Variants in TRDN observed in about 807,000 individuals in gnomAD.
TRDN encodes the protein triadin.
TRDN carries 161 observed loss-of-function variants against 149.7 expected under a neutral mutation model. That is an observed-to-expected ratio of 1.08 (90% CI 0.95 to 1.23). The LOEUF is 1.23. Ranked by LOEUF, TRDN falls within the 50% of genes most tolerant of loss-of-function variation. The pLI, the probability that TRDN is intolerant of heterozygous loss-of-function variation, is 0.00. For synonymous variants in TRDN, 294 were observed against 250.5 expected, an observed-to-expected ratio of 1.17 and a Z score of -1.64; for missense variants, 896 against 823.5, an observed-to-expected ratio of 1.09 and a Z score of -1.08.
chr6:123,472,860 C>G (rs1031721191), intron 9 of TRDN, among the ~76,000 whole-genome samples: 12 of 152,230 alleles, frequency 7.9e-5, no homozygotes, highest in African/African-American at 2.9e-4. Flanking sequence ...GCAGGGTATT[C>G]CAACAGACCT....
At chr6:123,520,051 T>C (rs1275899699) in intron 5 of TRDN, among the ~76,000 whole-genome samples, 1 of 152,112 alleles carries the variant, frequency 6.6e-6, no homozygotes, top group Non-Finnish European at 1.5e-5. Context: ...CATTAAACAA[T>C]AAGGCCAGAT....
At chr6:123,499,719 A>AAAAAATATATATATATATATACATAT in intron 8 of TRDN, among the ~76,000 whole-genome samples, 1 of 47,676 alleles carries the variant, frequency 2.1e-5, no homozygotes, top group Non-Finnish European at 4.5e-5. Context: ...AAAAAAAAAA[A>AAAAAATATATATATATATATACATAT]ATATATATAT....
chr6:123,511,364 T>C (rs1177884171), intron 7 of TRDN, among the ~76,000 whole-genome samples: 1 of 152,124 alleles, frequency 6.6e-6, no homozygotes, highest in South Asian at 2.1e-4. Flanking sequence ...AAATAATAAA[T>C]GTTTGAGGTG....
intron 24 of TRDN, among the ~76,000 whole-genome samples, chr6:123,280,843 T>C (rs557509051): frequency 2.0e-5 from 3 of 152,170 alleles, no homozygotes; most frequent in African/African-American, 4.8e-5. Context: ...CTTTTCTACA[T>C]TGTGAGATAT....
intron 9 of TRDN, among the ~76,000 whole-genome samples, chr6:123,494,060 C>G (rs1363707218): frequency 6.6e-6 from 1 of 152,104 alleles, no homozygotes; most frequent in Non-Finnish European, 1.5e-5. Flanking sequence ...ACTCGCTTTT[C>G]AAGTATTTCT....
intron 1 of TRDN, among the ~76,000 whole-genome samples, chr6:123,583,766 A>G (rs1783261969): frequency 6.6e-6 from 1 of 152,118 alleles, no homozygotes. Context: ...ACTAACAGGT[A>G]TTTTAGTTAT....
At chr6:123,246,375 A>G (rs914365446) in intron 38 of TRDN, among the ~76,000 whole-genome samples, 2 of 152,162 alleles carry the variant, frequency 1.3e-5, no homozygotes, top group Non-Finnish European at 2.9e-5. Flanking sequence ...AATCAAATAG[A>G]CACAATAAAA....
chr6:123,330,537 ACTCT>A (rs1387062280), intron 23 of TRDN, among the ~76,000 whole-genome samples: 1 of 151,976 alleles, frequency 6.6e-6, no homozygotes, highest in Non-Finnish European at 1.5e-5. Context: ...CAATAAACTA[ACTCT>A]CTCATAAAAG....
At chr6:123,550,376 G>A (rs944408934) in intron 2 of TRDN, among the ~76,000 whole-genome samples, 2 of 151,980 alleles carry the variant, frequency 1.3e-5, no homozygotes, top group African/African-American at 4.8e-5. Flanking sequence ...TTTTTGAGGA[G>A]GACAGAGTGA....
At chr6:123,557,980 G>A (rs1781770451) in intron 2 of TRDN, among the ~76,000 whole-genome samples, 1 of 151,936 alleles carries the variant, frequency 6.6e-6, no homozygotes, top group South Asian at 2.1e-4. Context: ...CTTCTGTACT[G>A]CCACTTGACC....
At chr6:123,484,816 T>C (rs1314663830) in intron 9 of TRDN, among the ~76,000 whole-genome samples, 1 of 152,216 alleles carries the variant, frequency 6.6e-6, no homozygotes, top group Non-Finnish European at 1.5e-5. Context: ...CATTTTGTTT[T>C]CTTTTCTGGA....
At chr6:123,491,422 C>T (rs1415563589) in intron 9 of TRDN, among the ~76,000 whole-genome samples, 1 of 152,054 alleles carries the variant, frequency 6.6e-6, no homozygotes, top group Non-Finnish European at 1.5e-5. Context: ...GAAGTATATA[C>T]ATCTTTGAAA....
At chr6:123,437,999 G>T in intron 12 of TRDN, 64 bp downstream of exon 12, 3 of 1,351,416 alleles carry the variant, frequency 2.2e-6, no homozygotes, top group Non-Finnish European at 3.1e-6. Context: ...GTTGCATGAG[G>T]AGTCTTTCAT....
intron 1 of TRDN, among the ~76,000 whole-genome samples, chr6:123,615,038 G>A (rs1419636426): frequency 1.3e-5 from 2 of 151,966 alleles, no homozygotes; most frequent in Non-Finnish European, 1.5e-5. Context: ...ATGGCCAACA[G>A]GTGTATGAAA....
intron 10 of TRDN, among the ~76,000 whole-genome samples, chr6:123,443,875 C>T (rs1204954542): frequency 6.6e-6 from 1 of 150,928 alleles, no homozygotes; most frequent in Non-Finnish European, 1.5e-5. Flanking sequence ...TTCTATTGAT[C>T]TATATCTCTG....
intron 26 of TRDN, among the ~76,000 whole-genome samples, chr6:123,276,573 G>A (rs1777375178): frequency 6.6e-6 from 1 of 152,102 alleles, no homozygotes; most frequent in Non-Finnish European, 1.5e-5. Flanking sequence ...TATCTAGACA[G>A]TGTGCCATGG....
chr6:123,584,842 G>T (rs1449213663), intron 1 of TRDN, among the ~76,000 whole-genome samples: 1 of 152,300 alleles, frequency 6.6e-6, no homozygotes, highest in Non-Finnish European at 1.5e-5. Flanking sequence ...TATGGATTTG[G>T]AACCACGGGG....
At chr6:123,455,440 C>G (rs9482392) in intron 10 of TRDN, among the ~76,000 whole-genome samples, 9,576 of 111,956 alleles carry the variant, frequency 0.086, 384 homozygotes, top group South Asian at 0.13. Context: ...GTGTGTGTGT[C>G]TGTGTGTGTT....
At chr6:123,635,321 A>AG (rs2114754982) in intron 1 of TRDN, among the ~76,000 whole-genome samples, 1 of 111,104 alleles carries the variant, frequency 9.0e-6, no homozygotes, top group East Asian at 2.9e-4. Context: ...CACAGAAAAG[A>AG]AAACACACAC....
Sources: gnomAD v4.1 joint callset for allele counts (sites outside exome capture counted in the v4.1 genomes callset) on GRCh38, gnomAD v4.1.1 for gene constraint, MANE v1.5 for transcripts, NCBI Gene and HGNC (gene_info 2026-07-23, HGNC 2026-07-21) for gene names.